SRRM4: variants seen among roughly 807,000 people sequenced by gnomAD.
The protein encoded by SRRM4 is serine/arginine repetitive matrix 4, also known as serine/arginine repetitive matrix protein 4.
SRRM4 carries 33 observed loss-of-function variants against 68.9 expected under a neutral mutation model. The observed-to-expected ratio is 0.48, with a 90% CI of 0.36 to 0.64. The LOEUF (loss-of-function observed/expected upper bound fraction) is 0.64. SRRM4 is among the 30% of genes least tolerant of loss of function. The pLI is 0.00. For missense variants in SRRM4, 817 were observed against 827.1 expected (o/e 0.99, Z 0.15); for synonymous variants, 318 against 318.8 (o/e 1.00, Z 0.03).
chr12:119,158,100 T>C lies in SRRM4; in HGVS notation c.*1302T>C, dbSNP rs1400368241. On this transcript the variant is annotated 3_prime_UTR_variant, in exon 13 of 13. Transcript: ENST00000267260. ...GCAGAGAGGGTAAGCTGATCTCCGA[T>C]CCACAAATACCACCAGCTGCTTCAT... is the stretch of plus-strand genomic sequence containing the variant. The C allele has an allele frequency of 2.0e-5, 3 of 152,794 alleles. No individual in the cohort carries two copies. In the East Asian group the frequency reaches 5.8e-4, roughly 30 times the overall value. 9.5% of individuals were successfully genotyped at this position (152,794 alleles called of 1,614,324 possible).
intron 1 of SRRM4, among the ~76,000 whole-genome samples, chr12:118,994,610 G>T (rs931448054): frequency 2.0e-5 from 3 of 152,206 alleles, no homozygotes; most frequent in Non-Finnish European, 2.9e-5. Context: ...CCAAGGAAGG[G>T]GTGTTGTATA....
At chr12:119,062,435 T>C (rs1465680138) in intron 1 of SRRM4, among the ~76,000 whole-genome samples, 1 of 152,234 alleles carries the variant, frequency 6.6e-6, no homozygotes, top group Non-Finnish European at 1.5e-5. Flanking sequence ...ACTTGTGCTT[T>C]TTGGGCTGTA....
At chr12:119,134,398 A>AT (rs1954316083) in intron 8 of SRRM4, among the ~76,000 whole-genome samples, 1 of 147,740 alleles carries the variant, frequency 6.8e-6, no homozygotes, top group Admixed American at 6.8e-5. Flanking sequence ...AAAAAAAAAA[A>AT]GAAGAAAAGA....
intron 1 of SRRM4, among the ~76,000 whole-genome samples, chr12:119,048,997 A>C (rs1372896858): frequency 1.3e-5 from 2 of 152,184 alleles, no homozygotes; most frequent in African/African-American, 4.8e-5. Context: ...TCTTTATTGG[A>C]TACCTACTGT....
chr12:119,049,673 CTGAG>C, intron 1 of SRRM4, among the ~76,000 whole-genome samples: 1 of 152,268 alleles, frequency 6.6e-6, no homozygotes, highest in South Asian at 2.1e-4. Flanking sequence ...ATGCCACAGA[CTGAG>C]TGTCTTAAAC....
chr12:119,141,386 C>T (rs1954364399), intron 8 of SRRM4, among the ~76,000 whole-genome samples: 1 of 152,146 alleles, frequency 6.6e-6, no homozygotes, highest in African/African-American at 2.4e-5. Context: ...AAAATATGTA[C>T]ATCTATTATA....
intron 1 of SRRM4, among the ~76,000 whole-genome samples, chr12:119,092,521 C>T (rs767514550): frequency 1.3e-5 from 2 of 152,144 alleles, no homozygotes; most frequent in Admixed American, 6.5e-5. Flanking sequence ...AGACCTAAAA[C>T]CTTGGAGTCA....
rs1001461666 is a variant in SRRM4, at chr12:118,982,005, G to A, written c.123G>A (p.Pro41=). Residue 41 remains proline, a synonymous_variant, in exon 1 of 13, where the codon CCG becomes CCA. Coordinates refer to ENST00000267260, the MANE Select transcript of SRRM4 (RefSeq NM_194286.4). ...TCGCCAGTATCACGGCCCGCAAGCCGCTGCCAAGGTAATGATCTCCTTCTT... is the reference window on the plus strand; with the variant it reads ...TCGCCAGTATCACGGCCCGCAAGCCACTGCCAAGGTAATGATCTCCTTCTT... The part of the protein sequence containing the change: ...IIVASITARK[P]LPRTEPQNNP... 14 of 1,609,454 alleles carry A rather than the reference G, an allele frequency of 8.7e-6. No individual in the cohort carries two copies. The highest frequency in any genetic ancestry group is 3.4e-5 in the Admixed American group (2 of 59,526).
intron 1 of SRRM4, among the ~76,000 whole-genome samples, chr12:119,020,903 G>A (rs1265940002): frequency 2.6e-5 from 4 of 152,212 alleles, no homozygotes; most frequent in Non-Finnish European, 5.9e-5. Context: ...AGCCCTAATG[G>A]GTAGACAGGA....
intron 1 of SRRM4, among the ~76,000 whole-genome samples, chr12:118,985,216 G>C (rs1953274365): frequency 6.6e-6 from 1 of 152,206 alleles, no homozygotes. Flanking sequence ...AGGGTAGAGA[G>C]TGGTCCCATA....
intron 8 of SRRM4, among the ~76,000 whole-genome samples, chr12:119,142,082 A>T (rs1776807563): frequency 6.6e-6 from 1 of 152,202 alleles, no homozygotes; most frequent in Non-Finnish European, 1.5e-5. Context: ...GAAAACTCGA[A>T]TCTGAATCAG....
intron 1 of SRRM4, among the ~76,000 whole-genome samples, chr12:119,036,282 C>G (rs1525971): frequency 0.88 from 133,802 of 152,180 alleles, 59,015 homozygotes; most frequent in Middle Eastern, 0.95. Flanking sequence ...AAAGATACCG[C>G]TGGATTCCAA....
chr12:119,112,785 C>T (rs1354487152), intron 2 of SRRM4, among the ~76,000 whole-genome samples: 1 of 152,136 alleles, frequency 6.6e-6, no homozygotes, highest in African/African-American at 2.4e-5. Context: ...GGGAACATCA[C>T]ACACTGGGGC....
chr12:119,145,335 A>G (rs1165656348), intron 8 of SRRM4, 46 bp from the exon 9 acceptor site: 2 of 1,528,848 alleles, frequency 1.3e-6, no homozygotes, highest in Non-Finnish European at 1.8e-6. Context: ...GAAACAGCCC[A>G]TGGGCCCAGC....
intron 2 of SRRM4, among the ~76,000 whole-genome samples, chr12:119,108,070 G>T (rs1295574035): frequency 6.6e-6 from 1 of 152,052 alleles, no homozygotes; most frequent in Non-Finnish European, 1.5e-5. Flanking sequence ...ATTTCGTTAT[G>T]TACCCAGTAG....
chr12:119,092,618 C>T (rs924119525), intron 1 of SRRM4, among the ~76,000 whole-genome samples: 3 of 152,018 alleles, frequency 2.0e-5, no homozygotes, highest in African/African-American at 4.8e-5. Context: ...ATAATCTGGC[C>T]ACCTCTCATC....
chr12:119,130,224 A>C (rs1954287290), intron 7 of SRRM4, among the ~76,000 whole-genome samples: 1 of 149,380 alleles, frequency 6.7e-6, no homozygotes, highest in African/African-American at 2.4e-5. Flanking sequence ...AGATGGATGG[A>C]TGGATAGATG....
intron 1 of SRRM4, chr12:119,001,085 A>C (rs937447845): frequency 1.3e-5 from 2 of 152,218 alleles, no homozygotes; most frequent in African/African-American, 4.8e-5. Flanking sequence ...TCTGGGATCT[A>C]AGTGGCTTCA....
At chr12:119,137,465 A>G (rs1954336353) in intron 8 of SRRM4, among the ~76,000 whole-genome samples, 2 of 152,098 alleles carry the variant, frequency 1.3e-5, no homozygotes, top group South Asian at 4.2e-4. Context: ...GCTGAGAGAG[A>G]CTCCCAGTGA....
Sources: gnomAD v4.1 joint callset for allele counts (sites outside exome capture counted in the v4.1 genomes callset) on GRCh38, gnomAD v4.1.1 for gene constraint, MANE v1.5 for transcripts, NCBI Gene and HGNC (gene_info 2026-07-23, HGNC 2026-07-21) for gene names.